The following VDR variants were observed in gnomAD, a reference collection of about 807,000 sequenced individuals.
VDR encodes vitamin D3 receptor.
Under a neutral mutation model 39.7 loss-of-function variants are expected in VDR, and 19 were observed. The ratio of observed to expected loss-of-function variants is 0.48; its 90% CI spans 0.33 to 0.70. VDR has a LOEUF of 0.70. VDR is among the 30% of genes least tolerant of loss of function. The probability of loss-of-function intolerance (pLI) is 0.02; values close to 1 mark genes in which losing one functional copy is unlikely to be tolerated. For missense variants in VDR, 442 were observed against 570.5 expected, an observed-to-expected ratio of 0.77 and a Z score of 2.29; for synonymous variants, 242 against 215.8, an observed-to-expected ratio of 1.12 and a Z score of -1.07.
intron 4 of VDR, 135 bp downstream of exon 4, chr12:47,864,912 A>T: frequency 1.4e-6 from 2 of 1,458,470 alleles, no homozygotes; most frequent in Non-Finnish European, 1.9e-6. Context: ...GGTCCCACTG[A>T]GGCCCTGGCC....
intron 3 of VDR, among the ~76,000 whole-genome samples, chr12:47,867,683 C>A (rs547290546): frequency 6.6e-6 from 1 of 152,340 alleles, no homozygotes; most frequent in African/African-American, 2.4e-5. Context: ...GCAGCAGCAT[C>A]TTCCAAGGAA....
intron 7 of VDR, among the ~76,000 whole-genome samples, chr12:47,850,652 G>A (rs1172692806): frequency 6.6e-6 from 1 of 152,100 alleles, no homozygotes; most frequent in Non-Finnish European, 1.5e-5. Context: ...TGGTGGCGTG[G>A]TGGGAGTAGA....
At chr12:47,885,144 C>A (rs965534336) in intron 1 of VDR, among the ~76,000 whole-genome samples, 1 of 152,172 alleles carries the variant, frequency 6.6e-6, no homozygotes, top group African/African-American at 2.4e-5. Flanking sequence ...CCCAGAGCAA[C>A]CCTCTCCTGA....
At chr12:47,845,036 A>T in intron 9 of VDR, 31 bp from the exon 10 acceptor site, 2 of 1,605,790 alleles carry the variant, frequency 1.2e-6, no homozygotes, top group Non-Finnish European at 1.7e-6. Context: ...AAGAAGGCAC[A>T]GGAGCTCTCA....
chr12:47,902,867 T>G lies in VDR; in HGVS notation c.-84+2088A>C, dbSNP rs147955028. Among the ~76,000 whole-genome samples the G allele has an allele frequency of 6.1e-3, 936 of 152,302 alleles. 11 individuals are homozygous for G. Among genetic ancestry groups the G allele is most frequent in the African/African-American group, 0.021 (874 of 41,566 alleles). On this transcript the variant is annotated intron_variant, in intron 1 of 9. Transcript: ENST00000549336. Reference sequence around the variant, plus strand: ...ATGTAGCCCACTCGGTCCCAGGCCTTTCTCCATTCACAGCCTGGGCTTTGG... The same window carrying G: ...ATGTAGCCCACTCGGTCCCAGGCCTGTCTCCATTCACAGCCTGGGCTTTGG...
Position 47,844,360 on chromosome 12 carries a change from A to C in VDR, c.*386T>G. ...GACAAGCGGGGCCTGCAGTGGGGGG[A>C]GGTGCAGGTGTCTCTGTCCCTGAGG... On this transcript the variant is annotated 3_prime_UTR_variant, in exon 10 of 10. Transcript: ENST00000549336. 1 of 353,106 alleles carries C rather than the reference A, an allele frequency of 2.8e-6. No individual in the cohort carries two copies. Among genetic ancestry groups the C allele is most frequent in the Non-Finnish European group, 5.3e-6 (1 of 187,328 alleles). 21.9% of individuals were successfully genotyped at this position (353,106 alleles called of 1,614,324 possible).
At chr12:47,849,048 C>T (rs148908095) in intron 7 of VDR, among the ~76,000 whole-genome samples, 2,660 of 152,292 alleles carry the variant, frequency 0.017, 53 homozygotes, top group South Asian at 0.033. Flanking sequence ...CTTGTCTGAA[C>T]AATGGCGAGG....
chr12:47,887,997 G>A (rs935275997), intron 1 of VDR, among the ~76,000 whole-genome samples: 1 of 152,190 alleles, frequency 6.6e-6, no homozygotes, highest in Admixed American at 6.5e-5. Context: ...CTGTTTTCAC[G>A]ATGCTGATAA....
intron 1 of VDR, among the ~76,000 whole-genome samples, chr12:47,886,427 A>T (rs907160872): frequency 2.0e-5 from 3 of 152,142 alleles, no homozygotes; most frequent in East Asian, 1.9e-4. Context: ...TTTCTTCTCC[A>T]CCATCCCCAC....
intron 1 of VDR, among the ~76,000 whole-genome samples, chr12:47,901,911 G>C (rs949793326): frequency 6.6e-6 from 1 of 152,216 alleles, no homozygotes; most frequent in African/African-American, 2.4e-5. Context: ...TGGTGGGCTG[G>C]GTCCCAGGAC....
chr12:47,882,628 T>TGGCCCCCCCCCCCCCC, intron 2 of VDR, 66 bp downstream of exon 2: 1 of 187,188 alleles, frequency 5.3e-6, no homozygotes, highest in East Asian at 2.0e-4. Flanking sequence ...CTTATGCCCC[T>TGGCCCCCCCCCCCCCC]CCCCCCCACC....
rs539423598 is a variant in VDR at position 47,855,477 on chromosome 12, G to A, written c.755+153C>T. 2.8e-4 allele frequency among the ~76,000 whole-genome samples: 42 copies of A among 152,222 alleles called. 1 individual carries two copies. In the East Asian group the frequency reaches 4.6e-3, roughly 17 times the overall value. ...GGAGGTTGCAGTGAGCCGAGATCGC[G>A]CCACTGCACTCCAGCCTGCGTGACA... On this transcript the variant is annotated intron_variant, in intron 7 of 9. Coordinates refer to ENST00000549336, the MANE Select transcript of VDR (RefSeq NM_000376.3).
chr12:47,888,196 T>C (rs1946296133), intron 1 of VDR, among the ~76,000 whole-genome samples: 1 of 152,184 alleles, frequency 6.6e-6, no homozygotes, highest in Non-Finnish European at 1.5e-5. Context: ...GCTTATTCAC[T>C]ATCATGAGAA....
intron 3 of VDR, among the ~76,000 whole-genome samples, chr12:47,869,117 G>A (rs892126603): frequency 2.0e-5 from 3 of 152,182 alleles, no homozygotes; most frequent in Non-Finnish European, 4.4e-5. Context: ...CCACTGCTTC[G>A]CCATCTTTCT....
At chr12:47,886,624 G>A (rs1258290524) in intron 1 of VDR, among the ~76,000 whole-genome samples, 1 of 152,164 alleles carries the variant, frequency 6.6e-6, no homozygotes, top group South Asian at 2.1e-4. Context: ...GTGTAAGAAC[G>A]ATTGGAAATT....
At position 47,869,263 on chromosome 12, in the gene VDR, G is replaced by A. The variant is rs187223879; in HGVS notation, c.147-4086C>T. The stretch of plus-strand genomic sequence containing the variant: ...TAGGAATAGGAAGAGAAGGCCGGGC[G>A]CGGTGGCTCACACCTGTAATCCCAG... On this transcript the variant is annotated intron_variant, in intron 3 of 9. Coordinates refer to ENST00000549336, the MANE Select transcript of VDR (RefSeq NM_000376.3). Among the ~76,000 whole-genome samples, 593 of 152,302 alleles carry A rather than the reference G, an allele frequency of 3.9e-3. 7 individuals carry two copies. Among genetic ancestry groups the A allele is most frequent in the Middle Eastern group, 0.014 (4 of 294 alleles).
chr12:47,887,076 C>T (rs572900845), intron 1 of VDR, among the ~76,000 whole-genome samples: 14 of 152,124 alleles, frequency 9.2e-5, no homozygotes, highest in African/African-American at 3.4e-4. Context: ...CTTCGGGAGG[C>T]CAAAGTGGGT....
At chr12:47,845,882 C>T (rs536747326) in intron 9 of VDR, among the ~76,000 whole-genome samples, 14 of 152,350 alleles carry the variant, frequency 9.2e-5, no homozygotes, top group East Asian at 1.9e-4. Context: ...CTCTAACCAG[C>T]GGAAGAGGTC....
intron 7 of VDR, among the ~76,000 whole-genome samples, chr12:47,851,369 A>G (rs2137132505): frequency 6.6e-6 from 1 of 152,210 alleles, no homozygotes; most frequent in Admixed American, 6.5e-5. Flanking sequence ...AGATGGGAGG[A>G]GAGAGCAGGC....
Sources: allele counts gnomAD v4.1 joint callset (sites outside exome capture counted in the v4.1 genomes callset), GRCh38; gene constraint gnomAD v4.1.1; transcripts MANE v1.5; gene names NCBI Gene and HGNC (gene_info 2026-07-23, HGNC 2026-07-21).